The following MMD2 variants were observed in gnomAD, a reference collection of about 807,000 sequenced individuals.
MMD2 encodes the protein monocyte to macrophage differentiation associated 2.
Under a neutral mutation model 33.5 loss-of-function variants are expected in MMD2, and 30 were observed. The observed-to-expected ratio is 0.90, with a 90% confidence interval of 0.67 to 1.22. MMD2 has a LOEUF of 1.22. Among genes scored for constraint, MMD2 ranks in the 50% most tolerant of loss-of-function variants. MMD2 has a pLI of 0.00. For missense variants in MMD2, 364 were observed against 325.4 expected (o/e 1.12, Z -0.91); for synonymous variants, 129 against 123.0 (o/e 1.05, Z -0.32).
chr7:4,956,384 C>T (rs1786382260), intron 1 of MMD2, among the ~76,000 whole-genome samples: 1 of 151,628 alleles, frequency 6.6e-6, no homozygotes, highest in East Asian at 1.9e-4. Flanking sequence ...TATGATCACA[C>T]CACTGCATTC....
At chr7:4,942,183 A>T (rs1208138454) in intron 1 of MMD2, among the ~76,000 whole-genome samples, 1 of 151,838 alleles carries the variant, frequency 6.6e-6, no homozygotes, top group African/African-American at 2.4e-5. Flanking sequence ...TGAACTCCTG[A>T]CCTCAGATGA....
intron 1 of MMD2, among the ~76,000 whole-genome samples, chr7:4,934,234 A>G (rs183267566): frequency 2.2e-4 from 33 of 151,938 alleles, no homozygotes; most frequent in African/African-American, 7.0e-4. Context: ...CCGGCCCACA[A>G]TGCTTTTATT....
chr7:4,942,415 ATT>A (rs10544029), intron 1 of MMD2, among the ~76,000 whole-genome samples: 93,845 of 150,684 alleles, frequency 0.62, 29,973 homozygotes, highest in South Asian at 0.73. Context: ...GGACATTTCT[ATT>A]TTTTTTTTAA....
At chr7:4,908,889 T>C (rs1784935138) in intron 6 of MMD2, among the ~76,000 whole-genome samples, 1 of 136,560 alleles carries the variant, frequency 7.3e-6, no homozygotes, top group Non-Finnish European at 1.5e-5. Flanking sequence ...AGAGTGAGAC[T>C]CCATCTCAAA....
chr7:4,901,296 C>T (rs1239817533), downstream of MMD2, among the ~76,000 whole-genome samples: 4 of 151,834 alleles, frequency 2.6e-5, no homozygotes, highest in South Asian at 2.1e-4. Flanking sequence ...CAAAAATTAA[C>T]TGAGCATAGT....
At chr7:4,915,049 G>C (rs1461966459) in intron 4 of MMD2, among the ~76,000 whole-genome samples, 7 of 152,186 alleles carry the variant, frequency 4.6e-5, no homozygotes, top group Non-Finnish European at 7.3e-5. Context: ...GAGGCGGGAG[G>C]ATGGCTTGAG....
the MMD2 span, among the ~76,000 whole-genome samples, chr7:4,892,899 A>G: frequency 6.6e-5 from 10 of 152,126 alleles, no homozygotes; most frequent in South Asian, 2.1e-3. Context: ...TATTTTTAGT[A>G]CAGGTGAGGG....
intron 3 of MMD2, among the ~76,000 whole-genome samples, chr7:4,919,532 C>T (rs1785221392): frequency 6.6e-6 from 1 of 152,048 alleles, no homozygotes; most frequent in Non-Finnish European, 1.5e-5. Flanking sequence ...TGTACCACTG[C>T]ACTCCAGCCT....
chr7:4,910,402 T>C (rs1343942901), intron 5 of MMD2, among the ~76,000 whole-genome samples: 1 of 152,180 alleles, frequency 6.6e-6, no homozygotes, highest in East Asian at 1.9e-4. Flanking sequence ...TCCTGGGCTC[T>C]GAGACTGCAG....
chr7:4,933,994 A>G (rs1414975415), intron 1 of MMD2, among the ~76,000 whole-genome samples: 1 of 142,894 alleles, frequency 7.0e-6, no homozygotes, highest in Non-Finnish European at 1.5e-5. Context: ...CAATGGTGCA[A>G]TCTCAACTCA....
intron 4 of MMD2, among the ~76,000 whole-genome samples, chr7:4,912,047 A>G (rs1785027883): frequency 6.6e-6 from 1 of 152,060 alleles, no homozygotes; most frequent in African/African-American, 2.4e-5. Context: ...AGCTGCAGTG[A>G]GCCATGATCC....
At chr7:4,929,060 G>C (rs1288930826) in intron 1 of MMD2, among the ~76,000 whole-genome samples, 1 of 152,174 alleles carries the variant, frequency 6.6e-6, no homozygotes, top group Non-Finnish European at 1.5e-5. Flanking sequence ...AGGAGTGAAA[G>C]CTGGGCAGGG....
rs1169916711 is a variant in MMD2, at chr7:4,911,698, C to CAGTGT, written c.366-457_366-453dup. On this transcript the variant is annotated intron_variant, in intron 4 of 6. Coordinates refer to ENST00000401401, the MANE Select transcript of MMD2 (RefSeq NM_198403.4). Reference sequence around the variant, plus strand: ...CAGTCTCTCTCTGTGCCCCAGGCTGCAGTGTAGTGGCACAATCTCGGCTCA... The same window carrying CAGTGT: ...CAGTCTCTCTCTGTGCCCCAGGCTGCAGTGTAGTGTAGTGGCACAATCTCGGCTCA... Among the ~76,000 whole-genome samples the CAGTGT allele has an allele frequency of 4.0e-5, 6 of 151,544 alleles. 1 individual carries two copies. In the South Asian group the frequency reaches 1.3e-3, roughly 32 times the overall value.
Position 4,959,060 on chromosome 7 carries a change from G to A in MMD2, c.-43C>T. 1.6e-6 allele frequency: 2 copies of A among 1,247,072 alleles called. No individual in the cohort carries two copies. The highest frequency in any genetic ancestry group is 1.6e-5 in the African/African-American group (1 of 64,182). 77.3% of individuals were successfully genotyped at this position (1,247,072 alleles called of 1,614,324 possible). A position where few individuals can be genotyped will look rare whatever the true frequency, so the allele number is the denominator to read the frequency against. On this transcript the variant is annotated 5_prime_UTR_variant, in exon 1 of 7. Transcript: ENST00000401401. ...AATCTGGCCCCGGGCTCAGAGCGCG[G>A]GTAGCTGGCAGAGCCTGGGGGGCGC...
At chr7:4,919,756 C>T (rs560715630) in intron 3 of MMD2, among the ~76,000 whole-genome samples, 5 of 151,886 alleles carry the variant, frequency 3.3e-5, no homozygotes, top group African/African-American at 1.2e-4. Flanking sequence ...ATTAGCTGGA[C>T]GTGGTGGTGC....
At chr7:4,899,164 T>A in the MMD2 span, among the ~76,000 whole-genome samples, 3 of 152,110 alleles carry the variant, frequency 2.0e-5, no homozygotes, top group Non-Finnish European at 4.4e-5. Context: ...GAAACAGCCC[T>A]CACCAGACAC....
At position 4,946,121 on chromosome 7, in the gene MMD2, G is replaced by T. The variant is rs1024881374; in HGVS notation, c.47+12850C>A. 6.8e-6 allele frequency among the ~76,000 whole-genome samples: 1 copy of T among 146,658 alleles called. No individual in the cohort carries two copies. The highest frequency in any genetic ancestry group is 1.5e-5 in the Non-Finnish European group (1 of 66,458). ...CACGCATGCACACGCGCACACGCAC[G>T]CACACACCTGCACACGCACGCACAC... On this transcript the variant is annotated intron_variant, in intron 1 of 6. Coordinates refer to ENST00000401401, the MANE Select transcript of MMD2 (RefSeq NM_198403.4). This position sits in a 1 kb window ranked among gnomAD's most constrained non-coding sequence, Gnocchi z 5.0.
chr7:4,900,861 C>A, the MMD2 span, among the ~76,000 whole-genome samples: 5 of 152,244 alleles, frequency 3.3e-5, no homozygotes, highest in African/African-American at 9.6e-5. Flanking sequence ...CTCCCTGGGC[C>A]GGGCGCAGTG....
intron 5 of MMD2, 140 bp from the exon 6 acceptor site, chr7:4,910,090 C>CT (rs1326238283): frequency 6.3e-7 from 1 of 1,576,392 alleles, no homozygotes; most frequent in East Asian, 2.2e-5. Context: ...TCCAGCACGC[C>CT]TTGGCTCAGA....
Sources: gnomAD v4.1 joint callset for allele counts (sites outside exome capture counted in the v4.1 genomes callset) on GRCh38, gnomAD v4.1.1 for gene constraint, Gnocchi (gnomAD v3.1) non-coding constraint, MANE v1.5 for transcripts, NCBI Gene and HGNC (gene_info 2026-07-23, HGNC 2026-07-21) for gene names.